The following CTDP1 variants were observed in gnomAD, a reference collection of about 807,000 sequenced individuals.
The protein encoded by CTDP1 is RNA polymerase II subunit A C-terminal domain phosphatase.
CTDP1 carries 47 observed loss-of-function variants against 91.8 expected under a neutral mutation model. The ratio of observed to expected loss-of-function variants is 0.51; its 90% confidence interval spans 0.41 to 0.65. CTDP1 has a LOEUF of 0.65. Ranked by LOEUF, CTDP1 falls within the 30% of genes least tolerant of loss-of-function variation. CTDP1 has a pLI of 0.00. For synonymous variants in CTDP1, 656 were observed against 598.5 expected (o/e 1.10, Z -1.40); for missense variants, 1,272 against 1,373.7 (o/e 0.93, Z 1.17).
chr18:79,743,862 C>T (rs2086829995), intron 12 of CTDP1, among the ~76,000 whole-genome samples: 2 of 152,216 alleles, frequency 1.3e-5, no homozygotes, highest in South Asian at 4.1e-4. Flanking sequence ...CCTTGGGCCC[C>T]ACCATCATGA....
chr18:79,744,393 A>G (rs1310214644), intron 12 of CTDP1, among the ~76,000 whole-genome samples: 1 of 152,252 alleles, frequency 6.6e-6, no homozygotes, highest in Non-Finnish European at 1.5e-5. Context: ...ATTAGACAGT[A>G]TTCACTTAAT....
chr18:79,712,877 A>G (rs751052161), intron 6 of CTDP1, 95 bp from the exon 7 acceptor site: 317 of 1,346,046 alleles, frequency 2.4e-4, no homozygotes, highest in Non-Finnish European at 3.2e-4. Flanking sequence ...TGCTGGTTAC[A>G]TGTGGATTAG....
At chr18:79,704,623 G>A (rs1016462345) in intron 4 of CTDP1, 144 bp from the exon 5 acceptor site, 8 of 1,056,892 alleles carry the variant, frequency 7.6e-6, no homozygotes, top group South Asian at 1.3e-5. Context: ...TCTTCAGGAC[G>A]CCTGTCGGGC....
intron 11 of CTDP1, among the ~76,000 whole-genome samples, chr18:79,730,736 G>A (rs1222734958): frequency 6.6e-6 from 1 of 152,208 alleles, no homozygotes; most frequent in Non-Finnish European, 1.5e-5. Flanking sequence ...GCGCCTGCAG[G>A]CAGGAGAAGG....
chr18:79,713,213 C>CT lies in CTDP1; in HGVS notation c.1030+76dup. 2 of 1,376,854 alleles carry CT rather than the reference C, an allele frequency of 1.5e-6. No homozygotes were observed. The highest frequency in any genetic ancestry group is 2.5e-5 in the South Asian group (2 of 81,314). The allele number at this position is 1,376,854 out of a possible 1,614,324, so 85.3% of individuals were successfully genotyped here. On this transcript the variant is annotated intron_variant, in intron 7 of 12. Transcript: ENST00000613122. This position sits in a 1 kb window ranked among gnomAD's most constrained non-coding sequence, Gnocchi z 4.7. ...GTTTAGCTCTTCTTATTTCTTATCT[C>CT]TGTTTTGACTGCTATAAATTCAAGA...
Position 79,739,308 on chromosome 18 carries a change from CCT to C in CTDP1, c.2747+2788_2747+2789del, listed in dbSNP as rs2086727954. Among the ~76,000 whole-genome samples the C allele has an allele frequency of 3.3e-5, 5 of 152,338 alleles. No homozygotes were observed. In the South Asian group the frequency reaches 1.0e-3, roughly 32 times the overall value. On this transcript the variant is annotated intron_variant, in intron 12 of 12. Coordinates refer to ENST00000613122, the MANE Select transcript of CTDP1 (RefSeq NM_004715.5). ...GATACGTGCTGCATCCGTGTCTCCC[CCT>C]GTGGGCAACTGGATGTGGCGCTCAG...
upstream of CTDP1, chr18:79,677,985 T>C (rs1599166608): frequency 6.6e-6 from 1 of 152,322 alleles, no homozygotes; most frequent in East Asian, 1.9e-4. Context: ...AAAGGCTCTC[T>C]CGTGAGCACC....
intron 12 of CTDP1, among the ~76,000 whole-genome samples, chr18:79,744,731 C>T (rs2086844811): frequency 6.6e-6 from 1 of 152,214 alleles, no homozygotes; most frequent in Non-Finnish European, 1.5e-5. Flanking sequence ...TCACCAGTGG[C>T]AGAAACTGAC....
At chr18:79,720,227 G>A (rs888429852) in intron 10 of CTDP1, among the ~76,000 whole-genome samples, 2 of 148,012 alleles carry the variant, frequency 1.4e-5, no homozygotes, top group African/African-American at 5.0e-5. Flanking sequence ...TGGTGATGCT[G>A]TCACCTCCCA....
intron 12 of CTDP1, among the ~76,000 whole-genome samples, chr18:79,741,216 G>GGTCC (rs988561378): frequency 1.4e-5 from 2 of 147,440 alleles, no homozygotes; most frequent in Admixed American, 1.3e-4. Context: ...GAGTCCCTGA[G>GGTCC]GTCCCCCGTG....
At chr18:79,700,615 C>T (rs111942762) in intron 4 of CTDP1, among the ~76,000 whole-genome samples, 2 of 152,300 alleles carry the variant, frequency 1.3e-5, no homozygotes, top group African/African-American at 2.4e-5. Flanking sequence ...AAGCCGTCTC[C>T]GTAACACAAA....
At chr18:79,737,991 CACTCCCCCGG>C (rs2086699567) in intron 12 of CTDP1, among the ~76,000 whole-genome samples, 1 of 152,026 alleles carries the variant, frequency 6.6e-6, no homozygotes, top group African/African-American at 2.4e-5. Context: ...CTCTCCGCTC[CACTCCCCCGG>C]CCTCCCCCGC....
At position 79,753,795 on chromosome 18, in the gene CTDP1, G is replaced by A. The variant is rs371807429; in HGVS notation, c.*5G>A. ...GAGCTCAACGACCTCATGTGAGCGC[G>A]GGCAGCGGGCAGGGACTGAAGCCTG... On this transcript the variant is annotated 3_prime_UTR_variant, in exon 13 of 13. Coordinates refer to ENST00000613122, the MANE Select transcript of CTDP1 (RefSeq NM_004715.5). 3.3e-5 allele frequency: 54 copies of A among 1,612,112 alleles called. No individual in the cohort carries two copies. The highest frequency in any genetic ancestry group is 4.1e-5 in the Non-Finnish European group (48 of 1,179,742).
chr18:79,747,490 C>T (rs1280993480), intron 12 of CTDP1, among the ~76,000 whole-genome samples: 2 of 152,220 alleles, frequency 1.3e-5, no homozygotes, highest in East Asian at 3.9e-4. Flanking sequence ...CGCCTGCTTT[C>T]CTTGGCAGAG....
At chr18:79,744,927 G>T (rs2086849486) in intron 12 of CTDP1, among the ~76,000 whole-genome samples, 1 of 152,244 alleles carries the variant, frequency 6.6e-6, no homozygotes, top group African/African-American at 2.4e-5. Flanking sequence ...TCGTGCTTCA[G>T]AGTAACGGAG....
In CTDP1 at chr18:79,753,759, C is replaced by T. The variant is rs757157825; in HGVS notation, c.2855C>T (p.Ala952Val). Residue 952 changes from alanine to valine, a missense_variant, in exon 13 of 13, where the codon GCG becomes GTG. Coordinates refer to ENST00000613122, the MANE Select transcript of CTDP1 (RefSeq NM_004715.5). ...SSSEADEMAKALEAELNDLM is the reference protein window; with the variant it reads ...SSSEADEMAKVLEAELNDLM ...TCCGAGGCCGACGAGATGGCCAAGG[C>T]GCTGGAGGCGGAGCTCAACGACCTC... 12 of 1,613,684 alleles carry T rather than the reference C, an allele frequency of 7.4e-6. No individual in the cohort carries two copies. The highest frequency in any genetic ancestry group is 4.5e-5 in the East Asian group (2 of 44,888).
chr18:79,711,459 CAGGAGGGCAGGCGT>C (rs2086081744), intron 6 of CTDP1, among the ~76,000 whole-genome samples: 1 of 152,124 alleles, frequency 6.6e-6, no homozygotes, highest in Admixed American at 6.6e-5. Context: ...GCCCAGAACC[CAGGAGGGCAGGCGT>C]AGGGACGGGA....
chr18:79,733,451 G>T (rs117598264), intron 11 of CTDP1, among the ~76,000 whole-genome samples: 5,933 of 152,248 alleles, frequency 0.039, 190 homozygotes, highest in South Asian at 0.16. Flanking sequence ...TTGAGGTGGG[G>T]CCCGTCTCCT....
At chr18:79,684,441 C>T (rs1373365943) in intron 1 of CTDP1, among the ~76,000 whole-genome samples, 1 of 152,192 alleles carries the variant, frequency 6.6e-6, no homozygotes, top group East Asian at 1.9e-4. Flanking sequence ...GTGAAACCTC[C>T]CTCTATAAAT....
Sources: gnomAD v4.1 joint callset for allele counts (sites outside exome capture counted in the v4.1 genomes callset) on GRCh38, gnomAD v4.1.1 for gene constraint, Gnocchi (gnomAD v3.1) non-coding constraint, MANE v1.5 for transcripts, NCBI Gene and HGNC (gene_info 2026-07-23, HGNC 2026-07-21) for gene names.